The following ACAP2 variants were observed in gnomAD, a reference collection of about 807,000 sequenced individuals.
ACAP2 encodes ArfGAP with coiled-coil, ankyrin repeat and PH domains 2, also known as arf-GAP with coiled-coil, ANK repeat and PH domain-containing protein 2.
A neutral mutation model predicts 115.8 loss-of-function variants in ACAP2; 39 were observed. The ratio of observed to expected loss-of-function variants is 0.34; its 90% CI spans 0.26 to 0.44. The LOEUF (loss-of-function observed/expected upper bound fraction) is 0.44, where lower values mean the gene tolerates loss of function less well. ACAP2 is among the 20% of genes least tolerant of loss of function. The pLI is 1.00. For synonymous variants in ACAP2, 289 were observed against 315.8 expected (o/e 0.92, Z 0.90); for missense variants, 662 against 927.6 (o/e 0.71, Z 3.72).
intron 4 of ACAP2, among the ~76,000 whole-genome samples, chr3:195,348,514 A>G (rs1731331071): frequency 6.6e-6 from 1 of 152,164 alleles, no homozygotes; most frequent in African/African-American, 2.4e-5. Flanking sequence ...GAACAAAACC[A>G]AAGACACTGT....
At chr3:195,414,479 A>G (rs1035703665) in intron 1 of ACAP2, among the ~76,000 whole-genome samples, 1 of 152,196 alleles carries the variant, frequency 6.6e-6, no homozygotes, top group African/African-American at 2.4e-5. Context: ...AGCTGAAAAC[A>G]TATCCACACA....
At position 195,278,349 on chromosome 3, in the gene ACAP2, G is replaced by C. The variant is rs919203421; in HGVS notation, c.*979C>G. Reference sequence around the variant, plus strand: ...ATATTTTAGTATTAACTAAGAATAAGTGGGGTTCTTTTTCTCCTTTGTACA... The same window carrying C: ...ATATTTTAGTATTAACTAAGAATAACTGGGGTTCTTTTTCTCCTTTGTACA... On this transcript the variant is annotated 3_prime_UTR_variant, in exon 23 of 23. Transcript: ENST00000326793. 1 of 152,142 alleles carries C rather than the reference G, an allele frequency of 6.6e-6. No homozygotes were observed. The highest frequency in any genetic ancestry group is 1.5e-5 in the Non-Finnish European group (1 of 68,020). 9.4% of individuals were successfully genotyped at this position (152,142 alleles called of 1,614,324 possible).
At chr3:195,389,416 T>G (rs1400213310) in intron 2 of ACAP2, among the ~76,000 whole-genome samples, 2 of 152,356 alleles carry the variant, frequency 1.3e-5, no homozygotes, top group East Asian at 3.8e-4. Context: ...TTTCATATGA[T>G]TTACATGTGG....
At chr3:195,358,055 T>C (rs964738788) in intron 4 of ACAP2, among the ~76,000 whole-genome samples, 2 of 152,126 alleles carry the variant, frequency 1.3e-5, no homozygotes, top group Admixed American at 6.5e-5. Context: ...GTGGGGATTA[T>C]GGGGATTACA....
chr3:195,306,744 A>G, intron 12 of ACAP2, 128 bp from the exon 13 acceptor site: 1 of 666,570 alleles, frequency 1.5e-6, no homozygotes, highest in Non-Finnish European at 2.4e-6. Flanking sequence ...ATTTGTTGAA[A>G]GAAGGTTTTA....
chr3:195,403,622 T>C (rs1232942229), intron 1 of ACAP2, among the ~76,000 whole-genome samples: 1 of 152,244 alleles, frequency 6.6e-6, no homozygotes, highest in Non-Finnish European at 1.5e-5. Flanking sequence ...TGCAAGCATA[T>C]GCATGCGTAC....
chr3:195,368,738 T>C (rs1732904088), intron 4 of ACAP2, among the ~76,000 whole-genome samples: 2 of 152,166 alleles, frequency 1.3e-5, no homozygotes, highest in Admixed American at 6.5e-5. Flanking sequence ...AGCTAAAGTG[T>C]GACTTGATGA....
rs562160598 is a variant in ACAP2, at chr3:195,415,021, C to T, written c.54-22874G>A. ...TAAAGCCCAGAGAATTTTAAGGCAG[C>T]GAAACTAACTGCATGATCCTATAAT... On this transcript the variant is annotated intron_variant, in intron 1 of 22. Coordinates refer to ENST00000326793, the MANE Select transcript of ACAP2 (RefSeq NM_012287.6). Among the ~76,000 whole-genome samples, 6 of 152,120 alleles carry T rather than the reference C, an allele frequency of 3.9e-5. No homozygotes were observed. In the South Asian group the frequency reaches 1.0e-3, roughly 26 times the overall value.
chr3:195,281,490 TCTATATAGTTTTCATTTAGCC>T (rs1348687818), intron 22 of ACAP2, among the ~76,000 whole-genome samples: 10 of 152,186 alleles, frequency 6.6e-5, no homozygotes, highest in Admixed American at 6.5e-4. Context: ...TATTAACATC[TCTATATAGTTTTCATTTAGCC>T]CTGGAAATTT....
At chr3:195,289,286 A>G (rs572459177) in intron 20 of ACAP2, 55 bp from the exon 21 acceptor site, 3 of 1,250,616 alleles carry the variant, frequency 2.4e-6, no homozygotes, top group Admixed American at 4.3e-5. Context: ...AAAAATTAGT[A>G]TTCACCTTAA....
chr3:195,394,684 G>A (rs867272028), intron 1 of ACAP2, among the ~76,000 whole-genome samples: 1 of 152,160 alleles, frequency 6.6e-6, no homozygotes, highest in African/African-American at 2.4e-5. Context: ...CAGGCCAGGA[G>A]TTTGAGACCA....
chr3:195,412,556 G>A (rs1306708855), intron 1 of ACAP2, among the ~76,000 whole-genome samples: 2 of 152,170 alleles, frequency 1.3e-5, no homozygotes, highest in East Asian at 3.9e-4. Flanking sequence ...AGGTTGCAAT[G>A]AGCTGAGATG....
intron 1 of ACAP2, among the ~76,000 whole-genome samples, chr3:195,396,778 CTG>C (rs1711812437): frequency 2.0e-5 from 2 of 99,532 alleles, no homozygotes; most frequent in South Asian, 7.7e-4. Context: ...CAGAGTGAGA[CTG>C]TGTCTCAAAA....
intron 1 of ACAP2, among the ~76,000 whole-genome samples, chr3:195,438,468 G>A (rs1003460931): frequency 6.6e-6 from 1 of 152,050 alleles, no homozygotes; most frequent in African/African-American, 2.4e-5. Context: ...TTATAAAGAT[G>A]GAAGGCAAAG....
chr3:195,356,090 G>T (rs1342090685), intron 4 of ACAP2: 1 of 456,532 alleles, frequency 2.2e-6, no homozygotes, highest in Non-Finnish European at 4.4e-6. Flanking sequence ...GAAAGAGGCA[G>T]TGAAGAGGAT....
At chr3:195,308,922 G>A in intron 10 of ACAP2, 85 bp from the exon 11 acceptor site, 1 of 1,276,950 alleles carries the variant, frequency 7.8e-7, no homozygotes, top group Non-Finnish European at 1.1e-6. Context: ...AGAAAGCACT[G>A]GAAATCACAT....
chr3:195,319,677 TG>T (rs1560238560), intron 10 of ACAP2, among the ~76,000 whole-genome samples: 2 of 152,366 alleles, frequency 1.3e-5, no homozygotes, highest in South Asian at 2.1e-4. Flanking sequence ...ACCCAATGCC[TG>T]TATTTCCCTT....
chr3:195,341,265 AC>A (rs1730846150), intron 6 of ACAP2, among the ~76,000 whole-genome samples: 1 of 151,234 alleles, frequency 6.6e-6, no homozygotes, highest in African/African-American at 2.4e-5. Context: ...CAAGCAACTT[AC>A]CAAATACAGA....
chr3:195,405,904 A>G (rs1366512295), intron 1 of ACAP2, among the ~76,000 whole-genome samples: 1 of 152,054 alleles, frequency 6.6e-6, no homozygotes, highest in Non-Finnish European at 1.5e-5. Context: ...AAACAAACAG[A>G]TCTTGTGAGA....
Sources: gnomAD v4.1 joint callset for allele counts (sites outside exome capture counted in the v4.1 genomes callset) on GRCh38, gnomAD v4.1.1 for gene constraint, MANE v1.5 for transcripts, NCBI Gene and HGNC (gene_info 2026-07-23, HGNC 2026-07-21) for gene names.